Variants in FANCD2OS observed in about 807,000 individuals in gnomAD.
FANCD2OS encodes the protein FANCD2 opposite strand.
Under a neutral mutation model 13.2 loss-of-function variants are expected in FANCD2OS, and 11 were observed. The observed-to-expected ratio is 0.83, with a 90% CI of 0.52 to 1.38. The LOEUF (loss-of-function observed/expected upper bound fraction) is 1.38. FANCD2OS is among the 40% of genes most tolerant of loss of function. FANCD2OS has a pLI of 0.00. For synonymous variants in FANCD2OS, 69 were observed against 84.5 expected, an observed-to-expected ratio of 0.82 and a Z score of 1.01; for missense variants, 217 against 213.9, an observed-to-expected ratio of 1.01 and a Z score of -0.09.
intron 2 of FANCD2OS, chr3:10,096,466 C>T: frequency 6.2e-7 from 1 of 1,614,078 alleles, no homozygotes; most frequent in Non-Finnish European, 8.5e-7. Flanking sequence ...AAAACCGGGA[C>T]TTGCAGGTAA....
intron 1 of FANCD2OS, among the ~76,000 whole-genome samples, chr3:10,105,761 AAAAAAAAAAATTATATATATATATAT>A (rs1307291074): frequency 1.5e-5 from 1 of 68,864 alleles, no homozygotes; most frequent in African/African-American, 1.4e-4. Flanking sequence ...AAAAAAAAAA[AAAAAAAAAAATTATATATATATATAT>A]ATATATATAT....
intron 2 of FANCD2OS, chr3:10,090,274 G>T: frequency 1.3e-6 from 2 of 1,595,976 alleles, no homozygotes; most frequent in Non-Finnish European, 1.7e-6. Context: ...GGGCACGCAT[G>T]CTTTTCCCGT....
At chr3:10,096,252 C>A in intron 2 of FANCD2OS, 1 of 1,494,266 alleles carries the variant, frequency 6.7e-7, no homozygotes, top group Non-Finnish European at 9.3e-7. Context: ...ATTCAACATT[C>A]AAAGGTTTCT....
chr3:10,094,509 C>T (rs1470191333), intron 2 of FANCD2OS: 1 of 765,848 alleles, frequency 1.3e-6, no homozygotes, highest in East Asian at 2.5e-5. Context: ...CCAAATTGGA[C>T]TGAATATTCC....
chr3:10,092,319 A>G, intron 2 of FANCD2OS: 3 of 1,243,720 alleles, frequency 2.4e-6, no homozygotes, highest in Non-Finnish European at 3.5e-6. Flanking sequence ...CTGGCTTCCA[A>G]AATGGACTTT....
chr3:10,106,785 G>A (rs1252621399), intron 1 of FANCD2OS, among the ~76,000 whole-genome samples: 1 of 152,130 alleles, frequency 6.6e-6, no homozygotes, highest in Non-Finnish European at 1.5e-5. Flanking sequence ...GTGGTGGTGG[G>A]TGCCTGTAAT....
At chr3:10,092,961 GGATATCAGGCATGA>G (rs930582352) in intron 2 of FANCD2OS, among the ~76,000 whole-genome samples, 4 of 151,954 alleles carry the variant, frequency 2.6e-5, no homozygotes, top group Admixed American at 6.6e-5. Flanking sequence ...CAAAATGCTG[GGATATCAGGCATGA>G]GCCAGCATGC....
downstream of FANCD2OS, chr3:10,103,023 G>A (rs898055204): frequency 5.2e-5 from 22 of 425,134 alleles, no homozygotes; most frequent in Middle Eastern, 3.4e-4. Context: ...TTGGGAGGCC[G>A]AGGCCAAGGC....
intron 2 of FANCD2OS, among the ~76,000 whole-genome samples, chr3:10,081,853 A>G (rs555205097): frequency 2.0e-5 from 3 of 152,194 alleles, no homozygotes; most frequent in Non-Finnish European, 2.9e-5. Flanking sequence ...AGAAGGGTAC[A>G]TGGCCTTTAG....
chr3:10,081,769 G>A (rs145067818), intron 2 of FANCD2OS, among the ~76,000 whole-genome samples: 3 of 152,144 alleles, frequency 2.0e-5, no homozygotes, highest in African/African-American at 7.2e-5. Flanking sequence ...AGATTGTTTG[G>A]TGATGAGCTG....
chr3:10,102,884 AAGC>A (rs1275125603), downstream of FANCD2OS: 1 of 184,178 alleles, frequency 5.4e-6, no homozygotes, highest in African/African-American at 2.4e-5. Context: ...TAAAATAAAA[AAGC>A]AGCATCAAAC....
At chr3:10,090,377 T>G (rs1370682611) in intron 2 of FANCD2OS, 1 of 1,602,160 alleles carries the variant, frequency 6.2e-7, no homozygotes, top group Non-Finnish European at 8.5e-7. Context: ...AGCAGCAGAC[T>G]CGCAGCAGGT....
intron 2 of FANCD2OS, chr3:10,081,584 C>A: frequency 2.5e-6 from 2 of 811,732 alleles, no homozygotes; most frequent in Non-Finnish European, 4.3e-6. Context: ...GAATATGGTT[C>A]ATTAATTTTG....
rs773716319 is a variant in FANCD2OS, at chr3:10,090,443, A to ATTT, written c.*44-8915_*44-8913dup. 3,311 of 339,186 alleles carry ATTT rather than the reference A, an allele frequency of 9.8e-3. 89 individuals are homozygous for ATTT. The highest frequency in any genetic ancestry group is 0.035 in the African/African-American group (914 of 25,850). The allele number at this position is 339,186 out of a possible 1,614,324, so 21.0% of individuals were successfully genotyped here. On this transcript the variant is annotated intron_variant, in intron 2 of 2. Transcript: ENST00000524279. ...ACTTTGGATTACTTGGAAGTTGCTG[A>ATTT]TTTTTTTTTTTTTTTTTTTTTTTTT...
chr3:10,100,808 G>A (rs1004783664), downstream of FANCD2OS, among the ~76,000 whole-genome samples: 3 of 152,168 alleles, frequency 2.0e-5, no homozygotes, highest in East Asian at 3.9e-4. Flanking sequence ...AATGGCTCAC[G>A]CCTGTAATCC....
chr3:10,101,189 A>G, downstream of FANCD2OS: 1 of 1,611,614 alleles, frequency 6.2e-7, no homozygotes, highest in South Asian at 1.1e-5. Flanking sequence ...GCCCCTTAGG[A>G]TGGTGAAGAA....
chr3:10,088,514 T>G, intron 2 of FANCD2OS: 1 of 1,610,040 alleles, frequency 6.2e-7, no homozygotes, highest in Non-Finnish European at 8.5e-7. Context: ...GAGCAACATC[T>G]CTAATGACCA....
At chr3:10,102,084 A>ATCT (rs1695323583), downstream of FANCD2OS, among the ~76,000 whole-genome samples, 1 of 151,336 alleles carries the variant, frequency 6.6e-6, no homozygotes. Flanking sequence ...AACCAACTTC[A>ATCT]TCTGAGATGA....
chr3:10,087,281 CTTTTTT>C, intron 2 of FANCD2OS: 26 of 1,310,320 alleles, frequency 2.0e-5, no homozygotes, highest in South Asian at 2.8e-5. Flanking sequence ...GGCCTAGATC[CTTTTTT>C]TTTTTTTTTT....
Sources: gnomAD v4.1 joint callset for allele counts (sites outside exome capture counted in the v4.1 genomes callset) on GRCh38, gnomAD v4.1.1 for gene constraint, MANE v1.5 for transcripts, NCBI Gene and HGNC (gene_info 2026-07-23, HGNC 2026-07-21) for gene names.